Variants in TENM3 observed in about 807,000 individuals in gnomAD.
TENM3 encodes teneurin-3.
TENM3 carries 63 observed loss-of-function variants against 255.1 expected under a neutral mutation model. That is an observed-to-expected ratio of 0.25 (90% CI 0.20 to 0.30). TENM3 has a LOEUF of 0.30. Ranked by LOEUF, TENM3 falls within the 10% of genes least tolerant of loss-of-function variation. The pLI is 1.00. For synonymous variants in TENM3, 1,306 were observed against 1,322.3 expected (o/e 0.99, Z 0.27); for missense variants, 2,929 against 3,461.1 (o/e 0.85, Z 3.86).
chr4:182,456,116 A>G (rs1167517468), intron 3 of TENM3, among the ~76,000 whole-genome samples: 1 of 152,196 alleles, frequency 6.6e-6, no homozygotes, highest in African/African-American at 2.4e-5. Context: ...ATATAATTTA[A>G]TTTTGTGGTG....
At chr4:182,387,451 C>T (rs1163804736) in intron 3 of TENM3, among the ~76,000 whole-genome samples, 1 of 152,140 alleles carries the variant, frequency 6.6e-6, no homozygotes, top group Non-Finnish European at 1.5e-5. Flanking sequence ...GGCCACTCGG[C>T]TCTACCAATC....
chr4:181,987,228 G>T, the TENM3 span, among the ~76,000 whole-genome samples: 2 of 152,184 alleles, frequency 1.3e-5, no homozygotes, highest in Admixed American at 6.6e-5. Flanking sequence ...TTTGAATCTA[G>T]GCTGTCTGAC....
chr4:181,985,420 A>G, the TENM3 span, among the ~76,000 whole-genome samples: 1 of 152,050 alleles, frequency 6.6e-6, no homozygotes, highest in Non-Finnish European at 1.5e-5. Context: ...AATTATCACT[A>G]GGTAAAATAA....
the TENM3 span, among the ~76,000 whole-genome samples, chr4:181,619,558 A>ACC: frequency 2.0e-5 from 3 of 152,044 alleles, no homozygotes; most frequent in Non-Finnish European, 4.4e-5. Context: ...TGTAGCTGGG[A>ACC]CCATAGGCAC....
chr4:181,793,172 A>G, the TENM3 span, among the ~76,000 whole-genome samples: 1 of 152,072 alleles, frequency 6.6e-6, no homozygotes, highest in African/African-American at 2.4e-5. Flanking sequence ...ACTGCGCTAG[A>G]CTCATTCATG....
At chr4:181,743,349 C>G in the TENM3 span, among the ~76,000 whole-genome samples, 1 of 152,156 alleles carries the variant, frequency 6.6e-6, no homozygotes, top group African/African-American at 2.4e-5. Flanking sequence ...TGTTTCCTGA[C>G]TTTTTAATGA....
the TENM3 span, among the ~76,000 whole-genome samples, chr4:181,454,301 A>G: frequency 1.3e-5 from 2 of 152,164 alleles, no homozygotes; most frequent in African/African-American, 4.8e-5. Context: ...TTTAATATAC[A>G]GTCATGTACC....
In TENM3 at chr4:182,290,824, G is replaced by A. The variant is rs61236892; in HGVS notation, c.-75-33122G>A. The stretch of plus-strand genomic sequence containing the variant: ...GGCCAAAAAGCCTTTTAAATAGGAG[G>A]TTTTGTTTTAATTTGAGACAGAGTC... On this transcript the variant is annotated intron_variant, in intron 1 of 27. Transcript: ENST00000511685. Among the ~76,000 whole-genome samples the A allele has an allele frequency of 1.0e-3, 148 of 147,164 alleles. 2 individuals carry two copies. The highest frequency in any genetic ancestry group is 3.5e-3 in the African/African-American group (140 of 39,920).
chr4:182,775,514 G>A (rs1000450631), intron 24 of TENM3, among the ~76,000 whole-genome samples: 1 of 152,174 alleles, frequency 6.6e-6, no homozygotes, highest in African/African-American at 2.4e-5. Context: ...TTGTTCTGCT[G>A]AGCCCCAGAC....
At chr4:181,448,206 G>A in the TENM3 span, among the ~76,000 whole-genome samples, 3 of 114,164 alleles carry the variant, frequency 2.6e-5, no homozygotes, top group Non-Finnish European at 4.9e-5. Flanking sequence ...TCGCTCTGTC[G>A]CCCAGGCTGG....
At chr4:181,507,001 C>T in the TENM3 span, among the ~76,000 whole-genome samples, 5 of 152,192 alleles carry the variant, frequency 3.3e-5, no homozygotes, top group African/African-American at 1.2e-4. Flanking sequence ...TAGGACCAGA[C>T]CACCTGAAGG....
the TENM3 span, among the ~76,000 whole-genome samples, chr4:181,582,669 C>CAAAAAAAAAAA: frequency 8.0e-6 from 1 of 124,720 alleles, no homozygotes; most frequent in African/African-American, 3.1e-5. Context: ...CAAAACAAAT[C>CAAAAAAAAAAA]AAAAAAAAAA....
intron 3 of TENM3, among the ~76,000 whole-genome samples, chr4:182,524,628 T>C (rs938496155): frequency 3.3e-5 from 5 of 151,902 alleles, no homozygotes; most frequent in African/African-American, 1.2e-4. Flanking sequence ...CCCAAAGTAC[T>C]GGGATTACAG....
chr4:181,492,369 A>T, the TENM3 span, among the ~76,000 whole-genome samples: 1 of 152,232 alleles, frequency 6.6e-6, no homozygotes, highest in African/African-American at 2.4e-5. Flanking sequence ...TTTAACCAAG[A>T]GGCATTGTAA....
intron 3 of TENM3, among the ~76,000 whole-genome samples, chr4:182,420,460 G>A (rs938999940): frequency 4.6e-5 from 7 of 152,034 alleles, no homozygotes; most frequent in African/African-American, 7.2e-5. Context: ...TGCCGCATAC[G>A]GACATAATTT....
At chr4:182,001,812 G>A in the TENM3 span, among the ~76,000 whole-genome samples, 1 of 151,988 alleles carries the variant, frequency 6.6e-6, no homozygotes, top group Non-Finnish European at 1.5e-5. Context: ...TTTTTTCTAA[G>A]ACTATTTAGG....
chr4:182,359,138 T>A (rs968196255), intron 3 of TENM3, among the ~76,000 whole-genome samples: 4 of 152,104 alleles, frequency 2.6e-5, no homozygotes, highest in African/African-American at 9.7e-5. Flanking sequence ...TTATTGAGGA[T>A]TTTTGCATCA....
chr4:181,479,514 TC>T, the TENM3 span, among the ~76,000 whole-genome samples: 1 of 152,182 alleles, frequency 6.6e-6, no homozygotes, highest in Non-Finnish European at 1.5e-5. Context: ...GACCTATCTG[TC>T]CAGCCCTCCT....
chr4:181,516,368 T>TAAAAAAAAAAAAAAAAA, the TENM3 span, among the ~76,000 whole-genome samples: 1 of 141,266 alleles, frequency 7.1e-6, no homozygotes. Flanking sequence ...AAAAAATATT[T>TAAAAAAAAAAAAAAAAA]AAAAAAAAAA....
Sources: allele counts gnomAD v4.1 joint callset (sites outside exome capture counted in the v4.1 genomes callset), GRCh38; gene constraint gnomAD v4.1.1; transcripts MANE v1.5; gene names NCBI Gene and HGNC (gene_info 2026-07-23, HGNC 2026-07-21).